The following CACNA2D3 variants were observed in gnomAD, a reference collection of about 807,000 sequenced individuals.
CACNA2D3 encodes voltage-dependent calcium channel subunit alpha-2/delta-3.
A neutral mutation model predicts 160.6 loss-of-function variants in CACNA2D3; 60 were observed. The ratio of observed to expected loss-of-function variants is 0.37; its 90% CI spans 0.30 to 0.46. CACNA2D3 has a LOEUF of 0.46. Among genes scored for constraint, CACNA2D3 ranks in the 20% least tolerant of loss-of-function variants. The pLI is 1.00. For synonymous variants in CACNA2D3, 558 were observed against 492.9 expected (o/e 1.13, Z -1.75); for missense variants, 1,205 against 1,365.0 (o/e 0.88, Z 1.85).
In CACNA2D3 at chr3:54,642,234, A is replaced by G; in HGVS notation, c.1160A>G (p.Asp387Gly). The change falls in exon 11 of 38, where the codon GAT (aspartate) becomes GGT (glycine). Residue 387 changes from aspartate to glycine, a missense_variant. Asp to Gly is a moderately conservative substitution (Grantham distance 94). Around this residue, in one of 3 missense-constraint regions of CACNA2D3, gnomAD observed 911 missense variants for 1,002.2 expected, o/e 0.91. Coordinates refer to ENST00000474759, the MANE Select transcript of CACNA2D3 (RefSeq NM_018398.3). ...ATCTTTGCAAAATACAATTGGCCAG[A>G]TCGAAAGGTAAGTTGATGCTGATCC... ...DTIFAKYNWP[D>G]RKVRIFTYLI... The G allele has an allele frequency of 6.2e-7, 1 of 1,604,738 alleles. No individual in the cohort carries two copies.
At chr3:54,962,113 C>T (rs1357844795) in intron 27 of CACNA2D3, among the ~76,000 whole-genome samples, 6 of 152,082 alleles carry the variant, frequency 3.9e-5, no homozygotes, top group Admixed American at 3.9e-4. Context: ...GGACAGAGTC[C>T]TCGGGACCCA....
intron 24 of CACNA2D3, 40 bp from the exon 25 acceptor site, chr3:54,891,315 G>A (rs1013767699): frequency 2.1e-6 from 3 of 1,399,636 alleles, no homozygotes; most frequent in Non-Finnish European, 3.0e-6. Flanking sequence ...TCTGCTTACT[G>A]TCTAGAGGCC....
intron 2 of CACNA2D3, among the ~76,000 whole-genome samples, chr3:54,202,413 T>C (rs1701196402): frequency 6.6e-6 from 1 of 152,246 alleles, no homozygotes; most frequent in African/African-American, 2.4e-5. Flanking sequence ...AAGTCCCAGT[T>C]ACCACGTCTT....
At chr3:55,069,341 G>T (rs1704746172) in intron 35 of CACNA2D3, among the ~76,000 whole-genome samples, 1 of 152,112 alleles carries the variant, frequency 6.6e-6, no homozygotes, top group Non-Finnish European at 1.5e-5. Context: ...AGAGAGAAAT[G>T]ACATATTTAA....
At chr3:54,577,191 G>A (rs1702599169) in intron 8 of CACNA2D3, among the ~76,000 whole-genome samples, 1 of 152,170 alleles carries the variant, frequency 6.6e-6, no homozygotes. Flanking sequence ...AGTGTTTTAT[G>A]TCCCCAGCAC....
chr3:54,677,705 A>G (rs989246237), intron 11 of CACNA2D3, among the ~76,000 whole-genome samples: 3 of 151,864 alleles, frequency 2.0e-5, no homozygotes, highest in Non-Finnish European at 4.4e-5. Context: ...AAATATTACT[A>G]TCTTTGCCCC....
At chr3:54,810,791 C>G (rs182948217) in intron 13 of CACNA2D3, among the ~76,000 whole-genome samples, 52 of 152,292 alleles carry the variant, frequency 3.4e-4, no homozygotes, top group African/African-American at 1.3e-3. Context: ...CACTAGATGT[C>G]CCTTCAATCA....
chr3:54,225,739 C>T (rs941891328), intron 2 of CACNA2D3, among the ~76,000 whole-genome samples: 2 of 151,354 alleles, frequency 1.3e-5, no homozygotes, highest in African/African-American at 4.8e-5. Flanking sequence ...GTCTGATGAC[C>T]TCAAACCTGT....
chr3:54,793,845 A>G (rs1015535474), intron 13 of CACNA2D3, among the ~76,000 whole-genome samples: 4 of 152,218 alleles, frequency 2.6e-5, no homozygotes, highest in African/African-American at 4.8e-5. Flanking sequence ...TAATGAAACT[A>G]TTTGAGCCTG....
chr3:54,874,118 A>G (rs1016272818), intron 18 of CACNA2D3, among the ~76,000 whole-genome samples: 1 of 152,262 alleles, frequency 6.6e-6, no homozygotes, highest in African/African-American at 2.4e-5. Context: ...AACCACAGTT[A>G]TAACCTGCAT....
At chr3:54,226,186 A>C (rs1190681094) in intron 2 of CACNA2D3, among the ~76,000 whole-genome samples, 2 of 152,086 alleles carry the variant, frequency 1.3e-5, no homozygotes, top group Non-Finnish European at 2.9e-5. Flanking sequence ...AGCTACTCTC[A>C]GTTAAGCTGT....
At chr3:54,275,219 T>A (rs1019980435) in intron 2 of CACNA2D3, among the ~76,000 whole-genome samples, 2 of 152,166 alleles carry the variant, frequency 1.3e-5, no homozygotes, top group African/African-American at 4.8e-5. Context: ...GGCGCCCTCT[T>A]CTTGGCAGCC....
At chr3:54,558,416 T>A (rs77358914) in intron 5 of CACNA2D3, among the ~76,000 whole-genome samples, 3,537 of 152,060 alleles carry the variant, frequency 0.023, 123 homozygotes, top group African/African-American at 0.081. Flanking sequence ...GGGTATTTTT[T>A]TTTTCCTTTC....
At chr3:54,217,872 CAG>C (rs61014090) in intron 2 of CACNA2D3, among the ~76,000 whole-genome samples, 32,589 of 150,150 alleles carry the variant, frequency 0.22, 5,557 homozygotes, top group African/African-American at 0.44. Context: ...CAGAGAGAGA[CAG>C]AGAGAGAGAG....
intron 12 of CACNA2D3, among the ~76,000 whole-genome samples, chr3:54,757,251 G>C (rs1001202999): frequency 6.6e-6 from 1 of 152,174 alleles, no homozygotes; most frequent in East Asian, 1.9e-4. Context: ...GTTCTCAACC[G>C]ATCAGTCATC....
chr3:54,754,056 C>G (rs984863336), intron 12 of CACNA2D3, among the ~76,000 whole-genome samples: 1 of 152,150 alleles, frequency 6.6e-6, no homozygotes, highest in Non-Finnish European at 1.5e-5. Context: ...GTGCCTCGTT[C>G]AATACTAGGA....
chr3:54,323,336 A>G (rs913163746), intron 3 of CACNA2D3, among the ~76,000 whole-genome samples: 1 of 152,056 alleles, frequency 6.6e-6, no homozygotes, highest in Admixed American at 6.5e-5. Flanking sequence ...TTTGCAGTGG[A>G]GTCATTATTT....
intron 20 of CACNA2D3, 76 bp from the exon 21 acceptor site, chr3:54,880,720 A>G (rs2106841390): frequency 1.6e-6 from 2 of 1,266,796 alleles, no homozygotes; most frequent in East Asian, 4.7e-5. Context: ...AAAATGGAAA[A>G]TTAAAAAATG....
intron 3 of CACNA2D3, among the ~76,000 whole-genome samples, chr3:54,380,140 C>A (rs981713329): frequency 6.6e-6 from 1 of 152,158 alleles, no homozygotes; most frequent in African/African-American, 2.4e-5. Flanking sequence ...ATTTCTGACC[C>A]TTGGTACAAG....
Sources: allele counts gnomAD v4.1 joint callset (sites outside exome capture counted in the v4.1 genomes callset), GRCh38; gene constraint gnomAD v4.1.1; regional missense constraint gnomAD v4.1.1; transcripts MANE v1.5; gene names NCBI Gene and HGNC (gene_info 2026-07-23, HGNC 2026-07-21).